Variants in MTFR1 observed in about 807,000 individuals in gnomAD.
MTFR1 encodes chondrocyte protein with a poly-proline region.
A neutral mutation model predicts 38.8 loss-of-function variants in MTFR1; 28 were observed. That is an observed-to-expected ratio of 0.72 (90% CI 0.53 to 0.99). The LOEUF (loss-of-function observed/expected upper bound fraction) is 0.99. MTFR1 is among the 50% of genes least tolerant of loss of function. The probability of loss-of-function intolerance (pLI) is 0.00; values close to 1 mark genes in which losing one functional copy is unlikely to be tolerated. For missense variants in MTFR1, 358 were observed against 395.5 expected (o/e 0.91, Z 0.81); for synonymous variants, 145 against 137.0 (o/e 1.06, Z -0.41).
rs1256341074 is a variant in MTFR1 at position 65,707,953 on chromosome 8, A to T, written c.875A>T (p.Asp292Val). ...TATCGGTATCGAAGTGATAGCCAAG[A>T]TGAAGTTGAAAAAGGAATTCCAAAG... ...FAYRYRSDSQDEVEKGIPKSE... is the reference protein window; with the variant it reads ...FAYRYRSDSQVEVEKGIPKSE... The change falls in exon 7 of 8, where the codon GAT (aspartate) becomes GTT (valine). Residue 292 changes from aspartate to valine, a missense_variant. Physicochemically the swap from Asp to Val is radical, Grantham distance 152 (BLOSUM62 -3). Coordinates refer to ENST00000262146, the MANE Select transcript of MTFR1 (RefSeq NM_014637.4). 6.2e-7 allele frequency: 1 copy of T among 1,613,878 alleles called. No individual in the cohort carries two copies. Among genetic ancestry groups the T allele is most frequent in the Non-Finnish European group, 8.5e-7 (1 of 1,179,984 alleles).
intron 3 of MTFR1, chr8:65,724,841 C>T (rs754158398): frequency 5.6e-6 from 9 of 1,612,004 alleles, no homozygotes; most frequent in South Asian, 4.4e-5. Flanking sequence ...CAAATGGGAC[C>T]TAAACAAAGA....
chr8:65,653,712 A>G (rs989743649), intron 1 of MTFR1, among the ~76,000 whole-genome samples: 3 of 152,150 alleles, frequency 2.0e-5, no homozygotes, highest in Admixed American at 1.3e-4. Flanking sequence ...AATAATTTTT[A>G]TGTTTTTACT....
chr8:65,684,272 A>G (rs755029646), intron 3 of MTFR1, among the ~76,000 whole-genome samples: 34 of 152,214 alleles, frequency 2.2e-4, no homozygotes, highest in Non-Finnish European at 3.8e-4. Flanking sequence ...AAAAAAATGG[A>G]TTAACATAAG....
At chr8:65,659,154 CT>C (rs960979340) in intron 1 of MTFR1, among the ~76,000 whole-genome samples, 13 of 152,128 alleles carry the variant, frequency 8.5e-5, no homozygotes, top group Non-Finnish European at 1.9e-4. Flanking sequence ...TGTCACCTCC[CT>C]TCTGTGTTTA....
At chr8:65,645,520 C>T (rs549289222) in intron 1 of MTFR1, among the ~76,000 whole-genome samples, 2 of 152,188 alleles carry the variant, frequency 1.3e-5, no homozygotes, top group African/African-American at 4.8e-5. Context: ...CAGTCTTGCT[C>T]CCCTAATCCG....
downstream of MTFR1, among the ~76,000 whole-genome samples, chr8:65,713,595 A>G (rs950039244): frequency 1.3e-5 from 2 of 152,220 alleles, no homozygotes; most frequent in African/African-American, 4.8e-5. Flanking sequence ...AAAATATGTA[A>G]TTGATGAAAG....
At chr8:65,764,365 GCTGGCAAACTCGAGT>G (rs1808662620) in intron 3 of MTFR1, among the ~76,000 whole-genome samples, 1 of 152,180 alleles carries the variant, frequency 6.6e-6, no homozygotes, top group South Asian at 2.1e-4. Flanking sequence ...ACAAGCACAG[GCTGGCAAACTCGAGT>G]CTGAATGAGA....
At chr8:65,695,471 C>G (rs1161976291) in intron 4 of MTFR1, among the ~76,000 whole-genome samples, 2 of 152,134 alleles carry the variant, frequency 1.3e-5, no homozygotes, top group Non-Finnish European at 2.9e-5. Flanking sequence ...ATTCTCCTGC[C>G]TCAGCCTTCC....
At chr8:65,686,666 T>C (rs988088530) in intron 3 of MTFR1, among the ~76,000 whole-genome samples, 2 of 149,794 alleles carry the variant, frequency 1.3e-5, no homozygotes, top group Non-Finnish European at 3.0e-5. Flanking sequence ...CTCACACCTA[T>C]AATCTCAGCA....
At chr8:65,675,271 C>T (rs571714449) in intron 2 of MTFR1, among the ~76,000 whole-genome samples, 2 of 139,500 alleles carry the variant, frequency 1.4e-5, no homozygotes, top group South Asian at 2.3e-4. Context: ...CCAGCCTGGG[C>T]GACAGAGCAA....
At chr8:65,763,115 T>C (rs1808595242) in intron 3 of MTFR1, among the ~76,000 whole-genome samples, 1 of 151,976 alleles carries the variant, frequency 6.6e-6, no homozygotes, top group African/African-American at 2.4e-5. Context: ...AAAATTAGAT[T>C]AATGTTATGT....
At chr8:65,663,767 C>T (rs1350103611) in intron 1 of MTFR1, among the ~76,000 whole-genome samples, 1 of 149,892 alleles carries the variant, frequency 6.7e-6, no homozygotes, top group Non-Finnish European at 1.5e-5. Context: ...CTCCCCTTCC[C>T]CTTCCCCTCC....
At chr8:65,757,444 T>C (rs1040426940) in intron 3 of MTFR1, among the ~76,000 whole-genome samples, 2 of 152,328 alleles carry the variant, frequency 1.3e-5, no homozygotes, top group African/African-American at 4.8e-5. Flanking sequence ...AGTGCATGAC[T>C]GTCTCCCAGG....
chr8:65,739,560 A>G, intron 3 of MTFR1: 2 of 1,562,164 alleles, frequency 1.3e-6, no homozygotes, highest in Non-Finnish European at 1.7e-6. Flanking sequence ...ATCCATGAAG[A>G]CTAAATAAAT....
chr8:65,696,421 A>G (rs760045338), intron 4 of MTFR1, among the ~76,000 whole-genome samples: 2 of 152,204 alleles, frequency 1.3e-5, no homozygotes, highest in Non-Finnish European at 2.9e-5. Flanking sequence ...GTCTCCTTCA[A>G]TGGTAACATC....
intron 1 of MTFR1, among the ~76,000 whole-genome samples, chr8:65,650,928 T>C (rs1809105305): frequency 6.6e-6 from 1 of 152,216 alleles, no homozygotes; most frequent in Non-Finnish European, 1.5e-5. Context: ...CAACAGGATA[T>C]GAGGATCCCT....
chr8:65,717,570 T>G (rs1443860751), intron 2 of MTFR1: 1 of 152,230 alleles, frequency 6.6e-6, no homozygotes, highest in African/African-American at 2.4e-5. Flanking sequence ...TCGGACTGAG[T>G]AAACATCTGA....
intron 3 of MTFR1, among the ~76,000 whole-genome samples, chr8:65,687,897 C>G (rs1306633599): frequency 2.0e-5 from 3 of 151,190 alleles, no homozygotes; most frequent in African/African-American, 7.3e-5. Context: ...GTTGGGAGTT[C>G]AAGACCAGCA....
At chr8:65,728,902 A>C (rs1456800423) in intron 3 of MTFR1, among the ~76,000 whole-genome samples, 1 of 152,252 alleles carries the variant, frequency 6.6e-6, no homozygotes, top group East Asian at 1.9e-4. Flanking sequence ...CATGACAATA[A>C]GCAACTGAAT....
Sources: gnomAD v4.1 joint callset for allele counts (sites outside exome capture counted in the v4.1 genomes callset) on GRCh38, gnomAD v4.1.1 for gene constraint, MANE v1.5 for transcripts, NCBI Gene and HGNC (gene_info 2026-07-23, HGNC 2026-07-21) for gene names.